Variants in ZC2HC1B observed in about 807,000 individuals in gnomAD.
ZC2HC1B encodes the protein zinc finger C2HC domain-containing protein 1B.
Under a neutral mutation model 31.0 loss-of-function variants are expected in ZC2HC1B, and 36 were observed. The observed-to-expected ratio is 1.16, with a 90% CI of 0.89 to 1.54. The LOEUF (loss-of-function observed/expected upper bound fraction) is 1.54, where lower values mean the gene tolerates loss of function less well. Among genes scored for constraint, ZC2HC1B ranks in the 40% most tolerant of loss-of-function variants. The pLI, the probability that ZC2HC1B is intolerant of heterozygous loss-of-function variation, is 0.00. For synonymous variants in ZC2HC1B, 73 were observed against 88.0 expected (o/e 0.83, Z 0.95); for missense variants, 260 against 268.6 (o/e 0.97, Z 0.22).
chr6:143,870,475 C>G lies in ZC2HC1B; in HGVS notation c.28+5908C>G, dbSNP rs1390537020. Among the ~76,000 whole-genome samples, 1 of 152,176 alleles carries G rather than the reference C, an allele frequency of 6.6e-6. No individual in the cohort carries two copies. The highest frequency in any genetic ancestry group is 3.2e-3 in the Middle Eastern group (1 of 316). On this transcript the variant is annotated intron_variant, in intron 1 of 7. Transcript: ENST00000237275. The surrounding 1 kb of genome is among the most constrained non-coding windows in gnomAD (Gnocchi z 4.7). ...TCCACCTTGGGCATTTGAGCCACTTCCTCATGTAACTTACTTGTGCCTTTA... is the reference window on the plus strand; with the variant it reads ...TCCACCTTGGGCATTTGAGCCACTTGCTCATGTAACTTACTTGTGCCTTTA...
chr6:143,888,774 T>G (rs1373384799), intron 4 of ZC2HC1B, among the ~76,000 whole-genome samples: 2 of 152,050 alleles, frequency 1.3e-5, no homozygotes, highest in Non-Finnish European at 2.9e-5. Context: ...TTTATAATAT[T>G]ATTGCTGATA....
intron 4 of ZC2HC1B, 61 bp from the exon 5 acceptor site, chr6:143,898,491 A>G (rs1562341969): frequency 1.3e-6 from 2 of 1,515,878 alleles, no homozygotes; most frequent in Non-Finnish European, 1.8e-6. Flanking sequence ...CTATAATTCT[A>G]TAGTATTCTA....
chr6:143,907,482 G>A (rs527544625), intron 6 of ZC2HC1B, among the ~76,000 whole-genome samples: 31 of 152,166 alleles, frequency 2.0e-4, no homozygotes, highest in South Asian at 4.1e-4. Flanking sequence ...TCTGATTGGT[G>A]TAAGATGGTA....
chr6:143,929,876 A>G (rs572446061), intron 6 of ZC2HC1B, among the ~76,000 whole-genome samples: 2 of 152,332 alleles, frequency 1.3e-5, no homozygotes, highest in South Asian at 4.1e-4. Context: ...GTTTGTGAGC[A>G]TATAAATAGT....
intron 1 of ZC2HC1B, among the ~76,000 whole-genome samples, chr6:143,864,919 T>A (rs1407377050): frequency 6.6e-6 from 1 of 152,234 alleles, no homozygotes; most frequent in African/African-American, 2.4e-5. Context: ...CTGTCTCAAC[T>A]GAAGATTCTC....
rs1778199332 is a variant in ZC2HC1B, at chr6:143,938,122, C to A, written c.*15-20C>A. The A allele has an allele frequency of 6.5e-6, 1 of 154,294 alleles. No individual in the cohort carries two copies. 9.6% of individuals were successfully genotyped at this position (154,294 alleles called of 1,614,324 possible). On this transcript the variant is annotated intron_variant, in intron 7 of 7. Coordinates refer to ENST00000237275, the MANE Select transcript of ZC2HC1B (RefSeq NM_001013623.3). This position sits in a 1 kb window ranked among gnomAD's most constrained non-coding sequence, Gnocchi z 4.2. The stretch of plus-strand genomic sequence containing the variant: ...AAACAATGACATTCTAAAGTAAATG[C>A]CTCTTCTTTCTGCTTTCAGACTGCC...
rs182411249 is a variant in ZC2HC1B, at chr6:143,921,322, G to A, written c.599-16327G>A. Among the ~76,000 whole-genome samples, 45 of 152,024 alleles carry A rather than the reference G, an allele frequency of 3.0e-4. No individual in the cohort carries two copies. Among genetic ancestry groups the A allele is most frequent in the African/African-American group, 9.2e-4 (38 of 41,438 alleles). On this transcript the variant is annotated intron_variant, in intron 6 of 7. Coordinates refer to ENST00000237275, the MANE Select transcript of ZC2HC1B (RefSeq NM_001013623.3). This position sits in a 1 kb window ranked among gnomAD's most constrained non-coding sequence, Gnocchi z 6.1. The stretch of plus-strand genomic sequence containing the variant: ...TATTCAATATATATTTAACTCATTC[G>A]TCTCTCATGTACCAAAAAGAAATGG...
rs1468774491 is a variant in ZC2HC1B at position 143,896,266 on chromosome 6, AG to A, written c.350-2285del. ...CTTTGCTGTCTCCATGGTGATATGT[AG>A]TACCAAACACAGAAGGGTGGCAGTG... On this transcript the variant is annotated intron_variant, in intron 4 of 7. Transcript: ENST00000237275. 1.5e-4 allele frequency among the ~76,000 whole-genome samples: 23 copies of A among 152,252 alleles called. 1 individual carries two copies. Among genetic ancestry groups the A allele is most frequent in the Admixed American group, 1.5e-3 (23 of 15,292 alleles).
At chr6:143,929,661 T>C (rs1256075425) in intron 6 of ZC2HC1B, among the ~76,000 whole-genome samples, 2 of 152,226 alleles carry the variant, frequency 1.3e-5, no homozygotes, top group African/African-American at 4.8e-5. Flanking sequence ...ACTTCTTTTA[T>C]GTCTGATAAA....
At chr6:143,904,859 G>A (rs567256174) in intron 6 of ZC2HC1B, among the ~76,000 whole-genome samples, 1 of 152,090 alleles carries the variant, frequency 6.6e-6, no homozygotes, top group Non-Finnish European at 1.5e-5. Context: ...CAATGGTCTT[G>A]CACCCTTGTC....
chr6:143,938,011 AAAG>A lies in ZC2HC1B; in HGVS notation c.*15-128_*15-126del, dbSNP rs1778198433. The A allele has an allele frequency of 2.6e-5, 6 of 232,766 alleles. No homozygotes were observed. The allele number at this position is 232,766 out of a possible 1,614,324, so 14.4% of individuals were successfully genotyped here. ...CTTTTTCTAAGCACCTTACCCTCACAAAGAATAGTTCCCTGAGGGTGTGAATTG... is the reference window on the plus strand; with the variant it reads ...CTTTTTCTAAGCACCTTACCCTCACAAATAGTTCCCTGAGGGTGTGAATTG... On this transcript the variant is annotated intron_variant, in intron 7 of 7. Transcript: ENST00000237275. This position sits in a 1 kb window ranked among gnomAD's most constrained non-coding sequence, Gnocchi z 4.2.
intron 1 of ZC2HC1B, among the ~76,000 whole-genome samples, chr6:143,867,885 C>G (rs1343720836): frequency 6.6e-6 from 1 of 152,170 alleles, no homozygotes; most frequent in African/African-American, 2.4e-5. Context: ...ATTGCCTTTT[C>G]CTATATCTCA....
rs1249436372 is a variant in ZC2HC1B, at chr6:143,908,619, T to C, written c.598+5467T>C. On this transcript the variant is annotated intron_variant, in intron 6 of 7. Transcript: ENST00000237275. The surrounding 1 kb of genome is among the most constrained non-coding windows in gnomAD (Gnocchi z 4.4). Reference sequence around the variant, plus strand: ...TAGGAATGCTAGCAATTTTTGCACATTGATTTTGTATTTTGAGACTTTGCT... The same window carrying C: ...TAGGAATGCTAGCAATTTTTGCACACTGATTTTGTATTTTGAGACTTTGCT... Among the ~76,000 whole-genome samples, 2 of 152,216 alleles carry C rather than the reference T, an allele frequency of 1.3e-5. No homozygotes were observed. Among genetic ancestry groups the C allele is most frequent in the Admixed American group, 1.3e-4 (2 of 15,280 alleles).
chr6:143,897,262 C>T (rs1393088809), intron 4 of ZC2HC1B, among the ~76,000 whole-genome samples: 1 of 150,896 alleles, frequency 6.6e-6, no homozygotes, highest in African/African-American at 2.4e-5. Flanking sequence ...GTTTCACACC[C>T]TTCCTGGGGT....
At chr6:143,873,896 G>A (rs1445768964) in intron 1 of ZC2HC1B, among the ~76,000 whole-genome samples, 2 of 152,270 alleles carry the variant, frequency 1.3e-5, no homozygotes, top group Middle Eastern at 3.4e-3. Context: ...CATGGTCTTG[G>A]GGATTAACAT....
chr6:143,866,305 T>C (rs1050111621), intron 1 of ZC2HC1B, among the ~76,000 whole-genome samples: 3 of 152,196 alleles, frequency 2.0e-5, no homozygotes, highest in Non-Finnish European at 4.4e-5. Context: ...TAGCCTACCT[T>C]AAACTTGCTC....
At position 143,899,280 on chromosome 6, in the gene ZC2HC1B, C is replaced by T. The variant is rs149956191; in HGVS notation, c.489+589C>T. Among the ~76,000 whole-genome samples, 3 of 152,332 alleles carry T rather than the reference C, an allele frequency of 2.0e-5. No individual in the cohort carries two copies. Among genetic ancestry groups the T allele is most frequent in the Non-Finnish European group, 4.4e-5 (3 of 68,026 alleles). The stretch of plus-strand genomic sequence containing the variant: ...AACAGCACCATACAGTCGAAGGTCT[C>T]AGGTACATACTTACAATATAGCATA... On this transcript the variant is annotated intron_variant, in intron 5 of 7. Transcript: ENST00000237275. This position sits in a 1 kb window ranked among gnomAD's most constrained non-coding sequence, Gnocchi z 5.0.
Position 143,903,783 on chromosome 6 carries a change from C to T in ZC2HC1B, c.598+631C>T, listed in dbSNP as rs1313546120. Among the ~76,000 whole-genome samples, 2 of 152,184 alleles carry T rather than the reference C, an allele frequency of 1.3e-5. No homozygotes were observed. On this transcript the variant is annotated intron_variant, in intron 6 of 7. Coordinates refer to ENST00000237275, the MANE Select transcript of ZC2HC1B (RefSeq NM_001013623.3). This position sits in a 1 kb window ranked among gnomAD's most constrained non-coding sequence, Gnocchi z 4.3. The stretch of plus-strand genomic sequence containing the variant: ...TAACCTAGGCACATCCTCCTGTATA[C>T]ACTAAATCATCTCCAGATTACTTAT...
intron 6 of ZC2HC1B, among the ~76,000 whole-genome samples, chr6:143,912,688 G>T (rs1255462172): frequency 1.3e-5 from 2 of 152,232 alleles, no homozygotes; most frequent in Admixed American, 6.5e-5. Context: ...GGAGGTGGCT[G>T]AAGACTCCTG....
Sources: allele counts gnomAD v4.1 joint callset (sites outside exome capture counted in the v4.1 genomes callset), GRCh38; gene constraint gnomAD v4.1.1; non-coding constraint Gnocchi (gnomAD v3.1); transcripts MANE v1.5; gene names NCBI Gene and HGNC (gene_info 2026-07-23, HGNC 2026-07-21).